SCD5: variants seen among roughly 807,000 people sequenced by gnomAD.
SCD5 encodes acyl-CoA-desaturase 4.
A neutral mutation model predicts 30.4 loss-of-function variants in SCD5; 20 were observed. The observed-to-expected ratio is 0.66, with a 90% CI of 0.46 to 0.96. The LOEUF (loss-of-function observed/expected upper bound fraction) is 0.96. Ranked by LOEUF, SCD5 falls within the 40% of genes least tolerant of loss-of-function variation. The pLI is 0.00. For missense variants in SCD5, 381 were observed against 443.3 expected, an observed-to-expected ratio of 0.86 and a Z score of 1.26; for synonymous variants, 173 against 176.4, an observed-to-expected ratio of 0.98 and a Z score of 0.16.
chr4:82,692,226 C>A, intron 2 of SCD5: 1 of 156,982 alleles, frequency 6.4e-6, no homozygotes. Context: ...TGGACCTGCC[C>A]CAGCTCTACT....
intron 1 of SCD5, among the ~76,000 whole-genome samples, chr4:82,730,741 A>G (rs556452153): frequency 1.3e-4 from 19 of 148,710 alleles, no homozygotes; most frequent in South Asian, 2.1e-4. Flanking sequence ...ACCCACCACC[A>G]CGCCCGGCTA....
At chr4:82,756,947 C>A (rs1721247222) in intron 1 of SCD5, among the ~76,000 whole-genome samples, 1 of 152,164 alleles carries the variant, frequency 6.6e-6, no homozygotes, top group South Asian at 2.1e-4. Context: ...CTCACCACAG[C>A]CTCTGCCTCC....
At chr4:82,667,956 A>G (rs1379581751) in intron 3 of SCD5, among the ~76,000 whole-genome samples, 1 of 152,192 alleles carries the variant, frequency 6.6e-6, no homozygotes, top group Non-Finnish European at 1.5e-5. Context: ...AAATATTTAC[A>G]TTCACAAGGA....
chr4:82,735,389 T>C (rs1720728830), intron 1 of SCD5, among the ~76,000 whole-genome samples: 1 of 152,208 alleles, frequency 6.6e-6, no homozygotes, highest in African/African-American at 2.4e-5. Flanking sequence ...GGGTACCACC[T>C]TGTGCCTTGA....
intron 1 of SCD5, among the ~76,000 whole-genome samples, chr4:82,707,877 C>T (rs1720000630): frequency 6.6e-6 from 1 of 152,210 alleles, no homozygotes; most frequent in African/African-American, 2.4e-5. Context: ...TACCTGGACT[C>T]CTGTCCCACA....
rs1720258838 is a variant in SCD5, at chr4:82,717,710, G to T, written c.233-12297C>A. Among the ~76,000 whole-genome samples the T allele has an allele frequency of 2.0e-5, 3 of 151,738 alleles. No homozygotes were observed. In the South Asian group the frequency reaches 6.2e-4, roughly 31 times the overall value. ...GCAGGCAGATCACTTGAGGTCAGGA[G>T]TTCGAGACCAGCCTGGCAAACATGG... On this transcript the variant is annotated intron_variant, in intron 1 of 4. Transcript: ENST00000319540.
At chr4:82,705,446 T>C (rs1374756586) in intron 1 of SCD5, 33 bp from the exon 2 acceptor site, 3 of 1,613,096 alleles carry the variant, frequency 1.9e-6, no homozygotes, top group African/African-American at 1.3e-5. Context: ...ACGTCAACAA[T>C]GGTCCCTGAG....
intron 1 of SCD5, among the ~76,000 whole-genome samples, chr4:82,795,112 T>A (rs932395673): frequency 1.3e-5 from 2 of 152,218 alleles, no homozygotes; most frequent in African/African-American, 4.8e-5. Flanking sequence ...ACTAACAATT[T>A]GATGGCTCTT....
chr4:82,709,642 G>A (rs1474821101), intron 1 of SCD5, among the ~76,000 whole-genome samples: 3 of 152,170 alleles, frequency 2.0e-5, no homozygotes, highest in Non-Finnish European at 2.9e-5. Flanking sequence ...TTGGAAAAGA[G>A]GATCCATGGA....
In SCD5 at chr4:82,680,844, G is replaced by A; in HGVS notation, c.432C>T (p.Pro144=). Residue 144 remains proline (P), a synonymous_variant, in exon 3 of 5, where the codon CCC becomes CCT. Coordinates refer to ENST00000319540, the MANE Select transcript of SCD5 (RefSeq NM_001037582.3). ...HHKYSETDAD[P]HNARRGFFFS... is the part of the protein sequence containing the mutation. Reference sequence around the variant, plus strand: ...AGAAGAAGCCCCGGCGGGCATTGTGGGGGTCAGCATCCGTCTCTGAGTACT... The same window carrying A: ...AGAAGAAGCCCCGGCGGGCATTGTGAGGGTCAGCATCCGTCTCTGAGTACT... The A allele has an allele frequency of 6.2e-7, 1 of 1,613,824 alleles. No homozygotes were observed. Among genetic ancestry groups the A allele is most frequent in the Non-Finnish European group, 8.5e-7 (1 of 1,179,986 alleles).
rs868339336 is a variant in SCD5 at position 82,712,283 on chromosome 4, T to C, written c.233-6870A>G. Among the ~76,000 whole-genome samples, 47 of 48,314 alleles carry C rather than the reference T, an allele frequency of 9.7e-4. 3 individuals are homozygous for C. The highest frequency in any genetic ancestry group is 3.5e-3 in the African/African-American group (33 of 9,302). The allele number at this position is 48,314 out of a possible 152,430, so 31.7% of individuals were successfully genotyped here. On this transcript the variant is annotated intron_variant, in intron 1 of 4. Coordinates refer to ENST00000319540, the MANE Select transcript of SCD5 (RefSeq NM_001037582.3). ...ATATATATATATATATATATATATA[T>C]ATATATATATATATTTTATTTTTAT... is the stretch of plus-strand genomic sequence containing the variant.
At chr4:82,679,997 G>C (rs1578018240) in intron 3 of SCD5, among the ~76,000 whole-genome samples, 2 of 152,164 alleles carry the variant, frequency 1.3e-5, no homozygotes, top group East Asian at 3.8e-4. Flanking sequence ...TATTGCTTTA[G>C]GTGCTACAAG....
chr4:82,757,339 C>T (rs1721253357), intron 1 of SCD5, among the ~76,000 whole-genome samples: 1 of 152,190 alleles, frequency 6.6e-6, no homozygotes, highest in African/African-American at 2.4e-5. Flanking sequence ...GGGCTCTTCA[C>T]CCTGGGTTCC....
At chr4:82,726,769 G>A (rs992217808) in intron 1 of SCD5, among the ~76,000 whole-genome samples, 1 of 152,188 alleles carries the variant, frequency 6.6e-6, no homozygotes, top group African/African-American at 2.4e-5. Flanking sequence ...GCCACAGTGT[G>A]CAGTGTGAGA....
chr4:82,696,809 T>A (rs1240736629), intron 2 of SCD5, among the ~76,000 whole-genome samples: 1 of 152,202 alleles, frequency 6.6e-6, no homozygotes, highest in Non-Finnish European at 1.5e-5. Flanking sequence ...TGCTGTCTCA[T>A]CCCACATGGC....
intron 3 of SCD5, among the ~76,000 whole-genome samples, chr4:82,665,040 A>ACC: frequency 6.6e-5 from 1 of 15,058 alleles, no homozygotes; most frequent in African/African-American, 7.9e-4. Flanking sequence ...ACACACACAC[A>ACC]CACACATATA....
chr4:82,712,279 T>TATATATAC (rs1720119452), intron 1 of SCD5, among the ~76,000 whole-genome samples: 1 of 50,540 alleles, frequency 2.0e-5, no homozygotes, highest in African/African-American at 1.1e-4. Context: ...TATATATATA[T>TATATATAC]ATATATATAT....
rs751526213 is a variant in SCD5 at position 82,798,370 on chromosome 4, G to A, written c.168C>T (p.Leu56=). The A allele has an allele frequency of 3.1e-6, 5 of 1,613,326 alleles. No homozygotes were observed. In the East Asian group the frequency reaches 1.1e-4, roughly 36 times the overall value. Residue 56 remains leucine, a synonymous_variant, in exon 1 of 5, where the codon CTC becomes CTT. Coordinates refer to ENST00000319540, the MANE Select transcript of SCD5 (RefSeq NM_001037582.3). ...CCAGGGAGTACACGGCCCCCAAGTG[G>A]AGCAAGCTCATCAGGACGACATTCC... The part of the protein sequence containing the change: ...VWRNVVLMSL[L]HLGAVYSLVL...
At chr4:82,742,515 G>T (rs529721101) in intron 1 of SCD5, among the ~76,000 whole-genome samples, 1 of 152,290 alleles carries the variant, frequency 6.6e-6, no homozygotes, top group African/African-American at 2.4e-5. Context: ...GGCCGGGCAT[G>T]GTGCCTCACA....
Sources: gnomAD v4.1 joint callset for allele counts (sites outside exome capture counted in the v4.1 genomes callset) on GRCh38, gnomAD v4.1.1 for gene constraint, MANE v1.5 for transcripts, NCBI Gene and HGNC (gene_info 2026-07-23, HGNC 2026-07-21) for gene names.